Variants in HTT observed in about 807,000 individuals in gnomAD.
HTT encodes the protein huntingtin.
In HTT, 104 loss-of-function variants were observed where a neutral mutation model predicts 362.3. That is an observed-to-expected ratio of 0.29 (90% CI 0.24 to 0.34). The LOEUF is 0.34. Ranked by LOEUF, HTT falls within the 10% of genes least tolerant of loss-of-function variation. The pLI is 1.00. For synonymous variants in HTT, 1,577 were observed against 1,548.7 expected (o/e 1.02, Z -0.43); for missense variants, 3,301 against 3,928.6 (o/e 0.84, Z 4.27).
At position 3,122,936 on chromosome 4, in the gene HTT, G is replaced by A. The variant is rs1277282270; in HGVS notation, c.1321G>A (p.Gly441Ser). ...CSPVLSRKQK[G>S]KVLLGEEEAL... ...CCCTGTCCTTTCAAGAAAACAAAAAGGTGATTATTTCAGAAATCAGAGTCT... is the reference window on the plus strand; with the variant it reads ...CCCTGTCCTTTCAAGAAAACAAAAAAGTGATTATTTCAGAAATCAGAGTCT... The change falls in exon 10 of 67, where the codon GGC becomes AGC. Residue 441 changes from glycine to serine, a missense_variant and splice_region_variant. Gly to Ser is a moderately conservative substitution (Grantham distance 56, BLOSUM62 0). Around this residue, in one of 4 missense-constraint regions of HTT, gnomAD observed 2,316 missense variants for 2,658.5 expected, o/e 0.87. Coordinates refer to ENST00000355072, the MANE Select transcript of HTT (RefSeq NM_001388492.1). The A allele has an allele frequency of 6.2e-7, 1 of 1,609,424 alleles. No homozygotes were observed. The highest frequency in any genetic ancestry group is 8.5e-7 in the Non-Finnish European group (1 of 1,177,324).
intron 2 of HTT, among the ~76,000 whole-genome samples, chr4:3,092,396 T>G (rs1713563163): frequency 6.6e-6 from 1 of 152,194 alleles, no homozygotes; most frequent in African/African-American, 2.4e-5. Flanking sequence ...TAAAAAAATT[T>G]TTTTTAGAGA....
intron 29 of HTT, among the ~76,000 whole-genome samples, chr4:3,168,559 A>G (rs993166202): frequency 5.3e-5 from 8 of 152,202 alleles, no homozygotes; most frequent in African/African-American, 1.9e-4. Flanking sequence ...TATTTATTCC[A>G]TACTCATTTT....
intron 24 of HTT, among the ~76,000 whole-genome samples, chr4:3,146,362 A>T: frequency 6.6e-6 from 1 of 152,220 alleles, no homozygotes; most frequent in East Asian, 1.9e-4. Flanking sequence ...TATCAGGAAA[A>T]CTAACCACGT....
Position 3,228,512 on chromosome 4 carries a change from CTG to C in HTT, c.7849-101_7849-100del, listed in dbSNP as rs1721031771. ...TGAACGACCCTTGCTAAGGGGCAGA[CTG>C]TTAGACGGTAGGCATGTGCTGAGTC... On this transcript the variant is annotated intron_variant, in intron 57 of 66. Coordinates refer to ENST00000355072, the MANE Select transcript of HTT (RefSeq NM_001388492.1). This position sits in a 1 kb window ranked among gnomAD's most constrained non-coding sequence, Gnocchi z 4.3. The C allele has an allele frequency of 1.5e-6, 2 of 1,350,344 alleles. No homozygotes were observed. Among genetic ancestry groups the C allele is most frequent in the Admixed American group, 2.4e-5 (1 of 41,670 alleles). 83.6% of individuals were successfully genotyped at this position (1,350,344 alleles called of 1,614,324 possible).
chr4:3,189,088 A>G lies in HTT; in HGVS notation c.5363A>G (p.Lys1788Arg). Residue 1788 changes from lysine (K) to arginine (R), a missense_variant, in exon 40 of 67, where the codon AAG becomes AGG. Coordinates refer to ENST00000355072, the MANE Select transcript of HTT (RefSeq NM_001388492.1). ...CTAATGTGTCTGATCCACATCTTCA[A>G]GTCTGGTAGGTGAATCACATTAGTC... ...TLLMCLIHIFKSGMFRRITAA... is the reference protein window; with the variant it reads ...TLLMCLIHIFRSGMFRRITAA... 1 of 1,614,102 alleles carries G rather than the reference A, an allele frequency of 6.2e-7. No individual in the cohort carries two copies. Among genetic ancestry groups the G allele is most frequent in the East Asian group, 2.2e-5 (1 of 44,892 alleles).
chr4:3,180,068 CAG>C (rs1188183659), intron 35 of HTT, among the ~76,000 whole-genome samples: 1 of 152,132 alleles, frequency 6.6e-6, no homozygotes, highest in African/African-American at 2.4e-5. Flanking sequence ...TATCTAATGA[CAG>C]AGTGAGTTTA....
intron 37 of HTT, among the ~76,000 whole-genome samples, chr4:3,183,288 C>T (rs1353273399): frequency 6.6e-6 from 1 of 152,208 alleles, no homozygotes; most frequent in Admixed American, 6.5e-5. Context: ...AAGCAGCCTG[C>T]CCCCAGTCAG....
intron 35 of HTT, among the ~76,000 whole-genome samples, chr4:3,178,743 A>G (rs1718361784): frequency 1.3e-5 from 2 of 152,250 alleles, no homozygotes; most frequent in African/African-American, 4.8e-5. Context: ...TGAAACGCTA[A>G]AAGTTCTTCA....
intron 3 of HTT, among the ~76,000 whole-genome samples, chr4:3,103,517 C>G (rs1050126779): frequency 4.6e-5 from 7 of 152,040 alleles, no homozygotes; most frequent in African/African-American, 7.2e-5. Context: ...TGAGCCACCC[C>G]ACCTGGCCAG....
Position 3,083,489 on chromosome 4 carries a change from A to G in HTT, c.264-3450A>G, listed in dbSNP as rs575667962. Among the ~76,000 whole-genome samples, 7 of 151,262 alleles carry G rather than the reference A, an allele frequency of 4.6e-5. 1 individual carries two copies. The East Asian group carries it at 7.8e-4, about 17-fold the overall frequency. On this transcript the variant is annotated intron_variant, in intron 1 of 66. Coordinates refer to ENST00000355072, the MANE Select transcript of HTT (RefSeq NM_001388492.1). ...CAGTGAGCTATGATTATGCCACTAC[A>G]CTACAACCTGGGCAAGAGAGTGAGA...
rs991029826 is a variant in HTT at position 3,127,657 on chromosome 4, G to A, written c.1743+53G>A. The A allele has an allele frequency of 7.5e-6, 10 of 1,330,774 alleles. No homozygotes were observed. The African/African-American group carries it at 1.0e-4, about 14-fold the overall frequency. 82.4% of individuals were successfully genotyped at this position (1,330,774 alleles called of 1,614,324 possible). A position where few individuals can be genotyped will look rare whatever the true frequency, so the allele number is the denominator to read the frequency against. On this transcript the variant is annotated intron_variant, in intron 12 of 66. Transcript: ENST00000355072. ...TTTTTTTTATTTTTTATTTGAGACAGAGTCTCACTCCATAGTGCAGTGGAG... is the reference window on the plus strand; with the variant it reads ...TTTTTTTTATTTTTTATTTGAGACAAAGTCTCACTCCATAGTGCAGTGGAG...
intron 4 of HTT, 23 bp from the exon 5 acceptor site, chr4:3,105,334 C>T (rs374643300): frequency 1.4e-5 from 22 of 1,566,156 alleles, no homozygotes; most frequent in Non-Finnish European, 1.8e-5. Flanking sequence ...ACTCTTAATG[C>T]AACCCTCATT....
At chr4:3,106,724 T>C (rs1234764157) in intron 5 of HTT, among the ~76,000 whole-genome samples, 1 of 152,124 alleles carries the variant, frequency 6.6e-6, no homozygotes. Context: ...AGTCACTTCC[T>C]TAGGGAGGTT....
Position 3,199,944 on chromosome 4 carries a change from G to T in HTT, c.5576+5G>T. On this transcript the variant is annotated splice_donor_5th_base_variant and intron_variant, in intron 41 of 66. Coordinates refer to ENST00000355072, the MANE Select transcript of HTT (RefSeq NM_001388492.1). ...AGAAGTGCAGCAGACCCCGAAGTAG[G>T]TTCATAATGCCCCACAGCCCAGGGC... 1 of 1,610,154 alleles carries T rather than the reference G, an allele frequency of 6.2e-7. No individual in the cohort carries two copies.
At chr4:3,199,604 A>G (rs1465112079) in intron 40 of HTT, 128 bp from the exon 41 acceptor site, 12 of 704,254 alleles carry the variant, frequency 1.7e-5, no homozygotes, top group Non-Finnish European at 2.6e-5. Context: ...TCTAAATGCC[A>G]GGTGTTCTGA....
chr4:3,162,942 G>C (rs1226369914), intron 29 of HTT, among the ~76,000 whole-genome samples: 4 of 152,136 alleles, frequency 2.6e-5, no homozygotes, highest in Admixed American at 2.6e-4. Flanking sequence ...GATTGCGCTG[G>C]CCAGAACTTC....
intron 2 of HTT, among the ~76,000 whole-genome samples, chr4:3,087,837 C>A (rs61348208): frequency 6.6e-6 from 1 of 151,904 alleles, no homozygotes; most frequent in Non-Finnish European, 1.5e-5. Flanking sequence ...CTGACAAAAA[C>A]GTGTGGTGAT....
Position 3,206,409 on chromosome 4 carries a change from C to A in HTT, c.5719-87C>A. ...TATATTTGGGATGTGTTTTCTCCTT[C>A]TTACCCTTTCTGGCCTTTCTATGGC... On this transcript the variant is annotated intron_variant, in intron 42 of 66. Coordinates refer to ENST00000355072, the MANE Select transcript of HTT (RefSeq NM_001388492.1). The surrounding 1 kb of genome is among the most constrained non-coding windows in gnomAD (Gnocchi z 4.6). 2 of 992,192 alleles carry A rather than the reference C, an allele frequency of 2.0e-6. No individual in the cohort carries two copies. The highest frequency in any genetic ancestry group is 3.1e-6 in the Non-Finnish European group (2 of 635,388). The allele number at this position is 992,192 out of a possible 1,614,324, so 61.5% of individuals were successfully genotyped here.
At chr4:3,155,727 A>AC (rs1717109099) in intron 27 of HTT, among the ~76,000 whole-genome samples, 1 of 131,362 alleles carries the variant, frequency 7.6e-6, no homozygotes, top group Non-Finnish European at 1.6e-5. Context: ...TAAAAATACC[A>AC]CAAAAAAAAA....
Sources: allele counts gnomAD v4.1 joint callset (sites outside exome capture counted in the v4.1 genomes callset), GRCh38; gene constraint gnomAD v4.1.1; regional missense constraint gnomAD v4.1.1; non-coding constraint Gnocchi (gnomAD v3.1); transcripts MANE v1.5; gene names NCBI Gene and HGNC (gene_info 2026-07-23, HGNC 2026-07-21).